Variants in PAPPA observed in about 807,000 individuals in gnomAD.
PAPPA encodes pappalysin-1.
PAPPA carries 60 observed loss-of-function variants against 164.0 expected under a neutral mutation model. The ratio of observed to expected loss-of-function variants is 0.37; its 90% confidence interval spans 0.30 to 0.45. PAPPA has a LOEUF of 0.45. Among genes scored for constraint, PAPPA ranks in the 20% least tolerant of loss-of-function variants. The pLI, the probability that PAPPA is intolerant of heterozygous loss-of-function variation, is 1.00. For synonymous variants in PAPPA, 875 were observed against 814.1 expected (o/e 1.07, Z -1.27); for missense variants, 1,782 against 2,087.3 (o/e 0.85, Z 2.85).
intron 20 of PAPPA, among the ~76,000 whole-genome samples, chr9:116,379,184 T>A (rs773045900): frequency 6.6e-6 from 1 of 152,204 alleles, no homozygotes; most frequent in Non-Finnish European, 1.5e-5. Context: ...CTGCCAGTGA[T>A]GTTTATCACC....
chr9:116,369,147 TTCTC>T (rs138733335), intron 19 of PAPPA, among the ~76,000 whole-genome samples: 4 of 150,072 alleles, frequency 2.7e-5, no homozygotes, highest in Non-Finnish European at 4.5e-5. Flanking sequence ...CATCCACTGT[TTCTC>T]TCTCTCTCTC....
chr9:116,374,267 A>G (rs764589756), intron 19 of PAPPA, among the ~76,000 whole-genome samples: 15 of 151,990 alleles, frequency 9.9e-5, no homozygotes, highest in Non-Finnish European at 1.9e-4. Context: ...AAGAAAAGAT[A>G]GTCTATTCTT....
chr9:116,360,038 A>C (rs1846403772), intron 17 of PAPPA, among the ~76,000 whole-genome samples: 1 of 152,266 alleles, frequency 6.6e-6, no homozygotes, highest in Non-Finnish European at 1.5e-5. Context: ...GGGCCTCCCC[A>C]GTGTGAAACT....
At chr9:116,311,056 CTTTTTTTTTT>C (rs56043415) in intron 10 of PAPPA, among the ~76,000 whole-genome samples, 1 of 120,428 alleles carries the variant, frequency 8.3e-6, no homozygotes, top group Non-Finnish European at 1.8e-5. Context: ...AACATGTGGA[CTTTTTTTTTT>C]TTTTTTTTTT....
At chr9:116,378,828 G>A (rs1846689282) in intron 20 of PAPPA, among the ~76,000 whole-genome samples, 1 of 152,140 alleles carries the variant, frequency 6.6e-6, no homozygotes, top group African/African-American at 2.4e-5. Flanking sequence ...GCCTGCCTAT[G>A]ATCCATTCCC....
At chr9:116,318,321 G>A (rs974693062) in intron 10 of PAPPA, 2 of 152,016 alleles carry the variant, frequency 1.3e-5, no homozygotes, top group African/African-American at 4.8e-5. Context: ...GGAGGAGAAG[G>A]AATTTTTATC....
At position 116,316,922 on chromosome 9, in the gene PAPPA, G is replaced by C. The variant is rs893248656; in HGVS notation, c.3147+13972G>C. Among the ~76,000 whole-genome samples, 79 of 152,194 alleles carry C rather than the reference G, an allele frequency of 5.2e-4. 2 individuals are homozygous for C. The highest frequency in any genetic ancestry group is 8.8e-5 in the Non-Finnish European group (6 of 68,034). ...CAGCCCTTACTCATTGAGGCTATAG[G>C]AGGGGATGGGAGGACCCTGAGGTCT... On this transcript the variant is annotated intron_variant, in intron 10 of 21. Coordinates refer to ENST00000328252, the MANE Select transcript of PAPPA (RefSeq NM_002581.5).
chr9:116,315,753 G>A (rs1016366959), intron 10 of PAPPA, among the ~76,000 whole-genome samples: 4 of 152,010 alleles, frequency 2.6e-5, no homozygotes, highest in African/African-American at 9.7e-5. Context: ...AGGAAGAAGA[G>A]GTAGAGGTAA....
chr9:116,336,020 C>T (rs1588009397), intron 13 of PAPPA, among the ~76,000 whole-genome samples: 1 of 152,266 alleles, frequency 6.6e-6, no homozygotes, highest in Non-Finnish European at 1.5e-5. Context: ...CTGGAAAAAG[C>T]TTCAGAGATT....
chr9:116,264,159 C>T (rs1190479875), intron 7 of PAPPA, among the ~76,000 whole-genome samples: 3 of 152,102 alleles, frequency 2.0e-5, no homozygotes, highest in Non-Finnish European at 4.4e-5. Flanking sequence ...TTTTTCTCCA[C>T]CCCACTCCAG....
At chr9:116,211,591 A>G in intron 3 of PAPPA, 48 bp from the exon 4 acceptor site, 1 of 1,563,298 alleles carries the variant, frequency 6.4e-7, no homozygotes, top group Non-Finnish European at 8.8e-7. Context: ...TCTTGCACCA[A>G]GAAGCAGAGT....
chr9:116,338,965 G>C (rs980479695), intron 13 of PAPPA, among the ~76,000 whole-genome samples: 32 of 152,144 alleles, frequency 2.1e-4, no homozygotes, highest in African/African-American at 7.5e-4. Flanking sequence ...AGATTTCCTG[G>C]TTCTGTGCCC....
At chr9:116,196,291 A>G (rs943455193) in intron 2 of PAPPA, among the ~76,000 whole-genome samples, 2 of 152,120 alleles carry the variant, frequency 1.3e-5, no homozygotes, top group Non-Finnish European at 2.9e-5. Flanking sequence ...GCCTGGATGG[A>G]TGGCAGTACT....
intron 7 of PAPPA, among the ~76,000 whole-genome samples, chr9:116,258,160 A>T (rs559662565): frequency 6.6e-6 from 1 of 152,172 alleles, no homozygotes; most frequent in South Asian, 2.1e-4. Context: ...TTCTCCTCAA[A>T]TACACTGATA....
At chr9:116,345,276 G>C (rs1331640361) in intron 14 of PAPPA, among the ~76,000 whole-genome samples, 4 of 152,128 alleles carry the variant, frequency 2.6e-5, no homozygotes, top group African/African-American at 4.8e-5. Flanking sequence ...GGGAATTGTA[G>C]GGTGTTGTGG....
intron 19 of PAPPA, among the ~76,000 whole-genome samples, chr9:116,376,164 G>A (rs547373556): frequency 2.0e-4 from 30 of 152,082 alleles, no homozygotes; most frequent in Admixed American, 5.9e-4. Context: ...GGGACTACAG[G>A]CATATGCCAC....
intron 7 of PAPPA, among the ~76,000 whole-genome samples, chr9:116,265,350 A>G (rs923472905): frequency 5.3e-5 from 8 of 152,166 alleles, no homozygotes; most frequent in African/African-American, 1.9e-4. Context: ...AGTGGCAGGG[A>G]GGCAGAGAGC....
At chr9:116,193,432 A>C (rs1055757190) in intron 2 of PAPPA, among the ~76,000 whole-genome samples, 1 of 151,856 alleles carries the variant, frequency 6.6e-6, no homozygotes, top group Non-Finnish European at 1.5e-5. Context: ...TGAATGAAGG[A>C]CTCTCAGAGC....
At chr9:116,385,886 G>C (rs1358095739) in intron 21 of PAPPA, among the ~76,000 whole-genome samples, 1 of 152,180 alleles carries the variant, frequency 6.6e-6, no homozygotes, top group Non-Finnish European at 1.5e-5. Flanking sequence ...CTGTTATTAA[G>C]CAGGGAGCCA....
Sources: gnomAD v4.1 joint callset for allele counts (sites outside exome capture counted in the v4.1 genomes callset) on GRCh38, gnomAD v4.1.1 for gene constraint, MANE v1.5 for transcripts, NCBI Gene and HGNC (gene_info 2026-07-23, HGNC 2026-07-21) for gene names.